ZNF680: variants seen among roughly 807,000 people sequenced by gnomAD.
The protein encoded by ZNF680 is hypothetical protein FLJ90430.
ZNF680 carries 6 observed loss-of-function variants against 12.1 expected under a neutral mutation model. The ratio of observed to expected loss-of-function variants is 0.49; its 90% confidence interval spans 0.27 to 0.98. ZNF680 has a LOEUF of 0.98. Among genes scored for constraint, ZNF680 ranks in the 50% least tolerant of loss-of-function variants. The pLI is 0.12. For missense variants in ZNF680, 561 were observed against 616.3 expected (o/e 0.91, Z 0.95); for synonymous variants, 170 against 199.3 (o/e 0.85, Z 1.24).
the ZNF680 span, among the ~76,000 whole-genome samples, chr7:64,508,142 T>TATATATATATATATATATAC: frequency 3.4e-4 from 38 of 112,184 alleles, 4 homozygotes; most frequent in East Asian, 6.1e-3. Context: ...TATATATATA[T>TATATATATATATATATATAC]ACATAATTTT....
In ZNF680 at chr7:64,525,738, T is replaced by A. The variant is rs562670221; in HGVS notation, c.254-3238A>T. 1.1e-5 allele frequency: 10 copies of A among 901,882 alleles called. No individual in the cohort carries two copies. The African/African-American group carries it at 1.4e-4, about 13-fold the overall frequency. 55.9% of individuals were successfully genotyped at this position (901,882 alleles called of 1,614,324 possible). ...AGAGATTATGATCGTTTGTAAATTA[T>A]CTTTAAATAGAAAAGTTTTTCTCCC... On this transcript the variant is annotated intron_variant, in intron 3 of 3. Transcript: ENST00000309683.
intron 3 of ZNF680, among the ~76,000 whole-genome samples, chr7:64,529,097 C>T (rs1179460107): frequency 1.3e-5 from 2 of 152,180 alleles, no homozygotes; most frequent in African/African-American, 4.8e-5. Context: ...GCTCGGCTCT[C>T]AGGAAGCCAC....
chr7:64,515,461 A>T (rs531093780), downstream of ZNF680, among the ~76,000 whole-genome samples: 1 of 152,240 alleles, frequency 6.6e-6, no homozygotes, highest in South Asian at 2.1e-4. Flanking sequence ...CTGAGTGGAG[A>T]CTGAAAGAAG....
rs1428880661 is a variant in ZNF680, at chr7:64,521,719, A to G, written c.1035T>C (p.Thr345=). The G allele has an allele frequency of 1.2e-6, 2 of 1,612,294 alleles. No homozygotes were observed. The highest frequency in any genetic ancestry group is 1.7e-6 in the Non-Finnish European group (2 of 1,179,710). The change falls in exon 4 of 4, where the codon ACT becomes ACC. Residue 345 remains threonine, a synonymous_variant. Coordinates refer to ENST00000309683, the MANE Select transcript of ZNF680 (RefSeq NM_178558.5). The part of the protein sequence containing the change: ...SNLTKHKKIH[T]GEKPYKCEEC... ...CTTCACATTTGTAGGGTTTCTCTCC[A>G]GTATGAATTTTCTTATGTTTAGTAA...
chr7:64,543,628 T>C (rs1390078556), intron 3 of ZNF680, 79 bp downstream of exon 3: 1 of 1,235,540 alleles, frequency 8.1e-7, no homozygotes, highest in Non-Finnish European at 1.1e-6. Flanking sequence ...CCAAATCCCA[T>C]GTCAAGAACT....
intron 1 of ZNF680, among the ~76,000 whole-genome samples, chr7:64,553,473 C>T (rs1384173263): frequency 6.6e-6 from 1 of 152,184 alleles, no homozygotes; most frequent in African/African-American, 2.4e-5. Flanking sequence ...AAGTCTTGGA[C>T]ATCTGAATTT....
chr7:64,553,029 G>C (rs1208828468), intron 1 of ZNF680, among the ~76,000 whole-genome samples: 1 of 151,966 alleles, frequency 6.6e-6, no homozygotes, highest in African/African-American at 2.4e-5. Context: ...AGGAGGATGA[G>C]GCAGGAGAAT....
At chr7:64,500,992 A>G in the ZNF680 span, 4 of 675,010 alleles carry the variant, frequency 5.9e-6, no homozygotes, top group Non-Finnish European at 2.8e-6. Flanking sequence ...CCTTTGTTCA[A>G]CAGGTGAATG....
chr7:64,546,539 C>T (rs34095496), intron 1 of ZNF680, among the ~76,000 whole-genome samples: 1 of 152,134 alleles, frequency 6.6e-6, no homozygotes, highest in South Asian at 2.1e-4. Flanking sequence ...CTCAGGAATT[C>T]GAGACCAGCC....
rs1328370445 is a variant in ZNF680 at position 64,521,120 on chromosome 7, G to A, written c.*41C>T. 1.8e-5 allele frequency: 28 copies of A among 1,532,290 alleles called. No homozygotes were observed. The East Asian group carries it at 6.3e-4, about 35-fold the overall frequency. The allele number at this position is 1,532,290 out of a possible 1,614,324, so 94.9% of individuals were successfully genotyped here. On this transcript the variant is annotated 3_prime_UTR_variant, in exon 4 of 4. Transcript: ENST00000309683. ...TTTGTCAAATTCTTCACATTTTTAG[G>A]GTTTCTCAACAGGATGGTGTCTTTT...
Position 64,532,917 on chromosome 7 carries a change from T to C in ZNF680, c.254-10417A>G, listed in dbSNP as rs1486290633. On this transcript the variant is annotated intron_variant, in intron 3 of 3. Coordinates refer to ENST00000309683, the MANE Select transcript of ZNF680 (RefSeq NM_178558.5). ...TACACCACATAAACAGAGTTAAAAC[T>C]TACATGATCATCTCAATAGATGCAG... Among the ~76,000 whole-genome samples, 3 of 151,984 alleles carry C rather than the reference T, an allele frequency of 2.0e-5. No homozygotes were observed. The East Asian group carries it at 5.8e-4, about 29-fold the overall frequency.
chr7:64,557,666 T>TG (rs1206916042), intron 1 of ZNF680, among the ~76,000 whole-genome samples: 2 of 152,168 alleles, frequency 1.3e-5, no homozygotes, highest in African/African-American at 4.8e-5. Context: ...GGCAGGCAGA[T>TG]CACTTGAGGT....
chr7:64,501,391 G>A, the ZNF680 span: 1 of 1,177,236 alleles, frequency 8.5e-7, no homozygotes. Context: ...GTTGAAAGGA[G>A]ATGACCTTTA....
intron 3 of ZNF680, chr7:64,526,474 T>C (rs780157938): frequency 1.0e-5 from 13 of 1,254,410 alleles, no homozygotes. Flanking sequence ...TAAGATAACT[T>C]GAGACCAGGA....
At chr7:64,501,741 G>A in the ZNF680 span, 1 of 905,262 alleles carries the variant, frequency 1.1e-6, no homozygotes, top group Non-Finnish European at 1.8e-6. Flanking sequence ...CACATAGTGG[G>A]GGTTAGAAAT....
At chr7:64,511,671 T>C in the ZNF680 span, among the ~76,000 whole-genome samples, 2 of 152,032 alleles carry the variant, frequency 1.3e-5, no homozygotes, top group African/African-American at 2.4e-5. Context: ...TAAACATAAT[T>C]GTAAACAGGT....
chr7:64,546,902 C>T (rs773931402), intron 1 of ZNF680, among the ~76,000 whole-genome samples: 4 of 152,096 alleles, frequency 2.6e-5, no homozygotes, highest in Non-Finnish European at 4.4e-5. Context: ...AAAGGTGGAA[C>T]TTAACTCTCA....
Position 64,521,592 on chromosome 7 carries a change from T to C in ZNF680, c.1162A>G (p.Ile388Val), listed in dbSNP as rs1562733278. 1.2e-6 allele frequency: 2 copies of C among 1,612,504 alleles called. No homozygotes were observed. The highest frequency in any genetic ancestry group is 1.7e-6 in the Non-Finnish European group (2 of 1,179,656). The change falls in exon 4 of 4, where the codon ATA (isoleucine) becomes GTA (valine). Residue 388 changes from isoleucine (I) to valine (V), a missense_variant. By Grantham distance (29) the Ile-to-Val change is conservative. Coordinates refer to ENST00000309683, the MANE Select transcript of ZNF680 (RefSeq NM_178558.5). ...TGTTCAGTAAGGTTTGAGGACTGTA[T>C]AAAAGCTTTGCCGCATTCTTCACAT... ...YKCEECGKAFIQSSNLTEHMR... is the reference protein window; with the variant it reads ...YKCEECGKAFVQSSNLTEHMR...
downstream of ZNF680, among the ~76,000 whole-genome samples, chr7:64,515,545 C>G (rs962027216): frequency 2.6e-5 from 4 of 152,026 alleles, no homozygotes; most frequent in Admixed American, 6.6e-5. Flanking sequence ...TGCCTCCACC[C>G]CATATAATGT....
Sources: allele counts gnomAD v4.1 joint callset (sites outside exome capture counted in the v4.1 genomes callset), GRCh38; gene constraint gnomAD v4.1.1; transcripts MANE v1.5; gene names NCBI Gene and HGNC (gene_info 2026-07-23, HGNC 2026-07-21).